Variants in RPP40 observed in about 807,000 individuals in gnomAD.
RPP40 encodes ribonuclease P/MRP subunit p40.
RPP40 carries 30 observed loss-of-function variants against 42.5 expected under a neutral mutation model. That is an observed-to-expected ratio of 0.71 (90% CI 0.53 to 0.96). The LOEUF (loss-of-function observed/expected upper bound fraction) is 0.96. Among genes scored for constraint, RPP40 ranks in the 40% least tolerant of loss-of-function variants. The probability of loss-of-function intolerance (pLI) is 0.00; values close to 1 mark genes in which losing one functional copy is unlikely to be tolerated. For synonymous variants in RPP40, 173 were observed against 164.0 expected (o/e 1.05, Z -0.42); for missense variants, 426 against 433.5 (o/e 0.98, Z 0.15).
At chr6:4,996,166 T>C in intron 6 of RPP40, 56 bp downstream of exon 6, 1 of 1,605,798 alleles carries the variant, frequency 6.2e-7, no homozygotes, top group Non-Finnish European at 8.5e-7. Flanking sequence ...TAAACTCCTA[T>C]TAAAAACAAG....
At chr6:5,003,118 A>G (rs1270871) in intron 1 of RPP40, among the ~76,000 whole-genome samples, 1 of 151,716 alleles carries the variant, frequency 6.6e-6, no homozygotes, top group African/African-American at 2.4e-5. Context: ...GGAGGCCGAG[A>G]CGGGCGGATC....
chr6:4,996,379 G>A lies in RPP40; in HGVS notation c.601C>T (p.Gln201Ter), dbSNP rs1165290689. The A allele has an allele frequency of 6.2e-7, 1 of 1,613,808 alleles. No homozygotes were observed. ...STMMSYFSKY[Q>*]IQEHQPKVAL... is the part of the protein sequence containing the mutation. ...ACTTTTGGCTGATGCTCCTGAATTT[G>A]GTACTTGGAAAAATATGACATCATT... Residue 201 changes from glutamine (Q) to a stop codon, truncating the protein, a stop_gained, in exon 6 of 8, where the codon CAA (glutamine) becomes TAA (stop). Transcript: ENST00000380051. LOFTEE classifies it high-confidence loss of function.
intron 4 of RPP40, among the ~76,000 whole-genome samples, chr6:4,999,066 T>C (rs1204426374): frequency 1.3e-5 from 2 of 152,162 alleles, no homozygotes; most frequent in African/African-American, 2.4e-5. Context: ...AATTTATATG[T>C]TTCCTAGGTC....
chr6:5,001,120 A>C (rs1443582958), intron 2 of RPP40: 1 of 456,800 alleles, frequency 2.2e-6, no homozygotes, highest in Non-Finnish European at 4.4e-6. Flanking sequence ...AGAGGGGTCC[A>C]AAGTAGAATT....
chr6:4,992,333 C>T (rs1759272476), downstream of RPP40, among the ~76,000 whole-genome samples: 1 of 143,608 alleles, frequency 7.0e-6, no homozygotes, highest in African/African-American at 2.6e-5. Flanking sequence ...TGCGCCACTG[C>T]AGTCCATCCT....
At chr6:5,002,744 G>C (rs1759602345) in intron 1 of RPP40, among the ~76,000 whole-genome samples, 1 of 152,190 alleles carries the variant, frequency 6.6e-6, no homozygotes, top group Non-Finnish European at 1.5e-5. Context: ...TTTCGAGACA[G>C]AAAAATGCAA....
At chr6:4,990,139 A>G (rs929337130), downstream of RPP40, among the ~76,000 whole-genome samples, 4 of 152,230 alleles carry the variant, frequency 2.6e-5, no homozygotes, top group Non-Finnish European at 5.9e-5. Flanking sequence ...ATCAGTAATG[A>G]ATGCTGGATT....
At chr6:4,990,427 A>G (rs1759245223), downstream of RPP40, among the ~76,000 whole-genome samples, 1 of 152,074 alleles carries the variant, frequency 6.6e-6, no homozygotes, top group Admixed American at 6.5e-5. Context: ...TAATTTTGGC[A>G]CTAGGATAAT....
chr6:4,997,039 T>TA (rs1313353108), intron 5 of RPP40, among the ~76,000 whole-genome samples: 1 of 152,236 alleles, frequency 6.6e-6, no homozygotes, highest in Non-Finnish European at 1.5e-5. Context: ...CTGGAGTTCT[T>TA]AAACTCCAGG....
Position 4,998,717 on chromosome 6 carries a change from T to G in RPP40, c.558A>C (p.Thr186=). The stretch of plus-strand genomic sequence containing the variant: ...CATTACATAATTTATTCCTCATACC[T>G]GTTTTATGCCAAGCCAAAAGAAAAT... ...KFDFLLAWHK[T]GSEESTMMSY... Residue 186 remains threonine, a splice_region_variant and synonymous_variant, in exon 5 of 8, where the codon ACA becomes ACC. Transcript: ENST00000380051. The G allele has an allele frequency of 6.5e-7, 1 of 1,540,482 alleles. No individual in the cohort carries two copies. Among genetic ancestry groups the G allele is most frequent in the South Asian group, 1.2e-5 (1 of 82,544 alleles).
downstream of RPP40, among the ~76,000 whole-genome samples, chr6:4,990,465 T>G (rs1300418548): frequency 6.6e-6 from 1 of 151,960 alleles, no homozygotes; most frequent in African/African-American, 2.4e-5. Flanking sequence ...AGGTGGAAAA[T>G]ATTTCTTCCT....
chr6:4,992,326 G>A (rs551282956), downstream of RPP40, among the ~76,000 whole-genome samples: 30 of 147,432 alleles, frequency 2.0e-4, no homozygotes, highest in East Asian at 1.0e-3. Context: ...CCGAGATTGC[G>A]CCACTGCAGT....
Position 5,003,991 on chromosome 6 carries a change from C to A in RPP40, c.12G>T (p.Leu4=). 1 of 1,609,766 alleles carries A rather than the reference C, an allele frequency of 6.2e-7. No individual in the cohort carries two copies. Among genetic ancestry groups the A allele is most frequent in the South Asian group, 1.1e-5 (1 of 90,970 alleles). Residue 4 remains leucine, a synonymous_variant, in exon 1 of 8, where the codon CTG becomes CTT. Transcript: ENST00000380051. ...GCCGCGGCGCCTCCCGAAGCCGGCG[C>A]AGCGTGGCCATGCTCTCCTGGGTTC... MAT[L]RRLREAPRHL... is the part of the protein sequence containing the mutation.
At chr6:5,003,037 C>T (rs1204930140) in intron 1 of RPP40, among the ~76,000 whole-genome samples, 3 of 148,886 alleles carry the variant, frequency 2.0e-5, no homozygotes, top group South Asian at 2.1e-4. Context: ...AAATTAGTTC[C>T]AACAACCAAT....
At chr6:5,000,539 A>G (rs772186438) in intron 3 of RPP40, 24 bp downstream of exon 3, 3 of 1,317,686 alleles carry the variant, frequency 2.3e-6, no homozygotes, top group Non-Finnish European at 3.2e-6. Flanking sequence ...ACAATTAAAG[A>G]AAGATGAAAA....
In RPP40 at chr6:4,995,271, T is replaced by C. The variant is rs144676135; in HGVS notation, c.899A>G (p.Tyr300Cys). ...TGGAGCTAACTTCGGTTCATCAAAG[T>C]AGTGACTGAAAAAAAGGTAGTTGTT... ...ICLLLEHLCH[Y>C]FDEPKLAPWV... Residue 300 changes from tyrosine to cysteine, a missense_variant, in exon 8 of 8, where the codon TAC becomes TGC. By Grantham distance (194) the Tyr-to-Cys change is radical. Transcript: ENST00000380051. 1,778 of 1,607,506 alleles carry C rather than the reference T, an allele frequency of 1.1e-3. 31 individuals carry two copies. In the Admixed American group the frequency reaches 0.026, roughly 24 times the overall value.
chr6:4,990,438 T>A (rs1434582548), downstream of RPP40, among the ~76,000 whole-genome samples: 1 of 152,144 alleles, frequency 6.6e-6, no homozygotes, highest in African/African-American at 2.4e-5. Context: ...CTAGGATAAT[T>A]CTGGCCTCAG....
chr6:4,996,540 G>A, intron 5 of RPP40, 120 bp from the exon 6 acceptor site: 1 of 825,328 alleles, frequency 1.2e-6, no homozygotes, highest in Non-Finnish European at 1.9e-6. Context: ...TGGAAGCTGT[G>A]CAGAGCTGCA....
intron 1 of RPP40, among the ~76,000 whole-genome samples, chr6:5,003,156 G>C (rs1346056912): frequency 1.3e-5 from 2 of 151,870 alleles, no homozygotes; most frequent in Admixed American, 6.6e-5. Context: ...AGACCATCCT[G>C]GCTAACACGG....
Sources: gnomAD v4.1 joint callset for allele counts (sites outside exome capture counted in the v4.1 genomes callset) on GRCh38, gnomAD v4.1.1 for gene constraint, MANE v1.5 for transcripts, NCBI Gene and HGNC (gene_info 2026-07-23, HGNC 2026-07-21) for gene names.